The following DCPS variants were observed in gnomAD, a reference collection of about 807,000 sequenced individuals.
The protein encoded by DCPS is decapping enzyme, scavenger.
In DCPS, 27 loss-of-function variants were observed where a neutral mutation model predicts 34.7. The ratio of observed to expected loss-of-function variants is 0.78; its 90% CI spans 0.57 to 1.07. DCPS has a LOEUF of 1.07. DCPS is among the 50% of genes least tolerant of loss of function. DCPS has a pLI of 0.00. For synonymous variants in DCPS, 185 were observed against 185.7 expected, an observed-to-expected ratio of 1.00 and a Z score of 0.03; for missense variants, 464 against 436.9, an observed-to-expected ratio of 1.06 and a Z score of -0.55.
rs576697570 is a variant in DCPS, at chr11:126,332,082, C to T, written c.522+532C>T. Among the ~76,000 whole-genome samples the T allele has an allele frequency of 6.6e-6, 1 of 152,338 alleles. No homozygotes were observed. The highest frequency in any genetic ancestry group is 2.1e-4 in the South Asian group (1 of 4,832). On this transcript the variant is annotated intron_variant, in intron 3 of 5. Coordinates refer to ENST00000263579, the MANE Select transcript of DCPS (RefSeq NM_014026.6). The surrounding 1 kb of genome is among the most constrained non-coding windows in gnomAD (Gnocchi z 5.4). ...AAAGGCTGATGTTGAGTGAGTCCCA[C>T]CCTGTCCAGACTCTTATTCCTGGTT...
chr11:126,341,377 G>C (rs1951875085), intron 4 of DCPS: 1 of 152,268 alleles, frequency 6.6e-6, no homozygotes, highest in Non-Finnish European at 1.5e-5. Context: ...TTTTTCAGAT[G>C]ACTTCTCTGA....
rs1478849872 is a variant in DCPS at position 126,313,897 on chromosome 11, G to T, written c.376+7153G>T. ...TGTATAATGTATTTCCCAGTTGAAA[G>T]GTAAGACAAATTGGCAGGTCCTTAG... On this transcript the variant is annotated intron_variant, in intron 2 of 5. Transcript: ENST00000263579. This position sits in a 1 kb window ranked among gnomAD's most constrained non-coding sequence, Gnocchi z 4.9. Among the ~76,000 whole-genome samples the T allele has an allele frequency of 6.6e-6, 1 of 152,196 alleles. No homozygotes were observed. Among genetic ancestry groups the T allele is most frequent in the Admixed American group, 6.5e-5 (1 of 15,282 alleles).
rs577703145 is a variant in DCPS at position 126,346,407 on chromosome 11, G to A, written c.*794G>A. On this transcript the variant is annotated 3_prime_UTR_variant, in exon 6 of 6. Transcript: ENST00000263579. This position sits in a 1 kb window ranked among gnomAD's most constrained non-coding sequence, Gnocchi z 4.1. Reference sequence around the variant, plus strand: ...CAGTTGAATACAAAAGCCCGGAGGCGGCTCGGGTTCAAGGCCTATCAGAGG... The same window carrying A: ...CAGTTGAATACAAAAGCCCGGAGGCAGCTCGGGTTCAAGGCCTATCAGAGG... Among the ~76,000 whole-genome samples the A allele has an allele frequency of 1.1e-4, 16 of 152,362 alleles. No individual in the cohort carries two copies. The South Asian group carries it at 2.7e-3, about 26-fold the overall frequency.
At chr11:126,306,805 T>C in intron 2 of DCPS, 61 bp downstream of exon 2, 1 of 1,549,120 alleles carries the variant, frequency 6.5e-7, no homozygotes, top group Non-Finnish European at 8.8e-7. Flanking sequence ...GGAAATTAGG[T>C]GGTATGGTGA....
chr11:126,343,290 C>A lies in DCPS; in HGVS notation c.637-17C>A. The A allele has an allele frequency of 6.2e-7, 1 of 1,607,118 alleles. No homozygotes were observed. Among genetic ancestry groups the A allele is most frequent in the East Asian group, 2.2e-5 (1 of 44,524 alleles). On this transcript the variant is annotated splice_polypyrimidine_tract_variant and intron_variant, in intron 4 of 5. Coordinates refer to ENST00000263579, the MANE Select transcript of DCPS (RefSeq NM_014026.6). ...CTGTTCCCTGCTGAGCCTGGTCTCCCCTTGCTCTCTACGCAGCTCGATGAC... is the reference window on the plus strand; with the variant it reads ...CTGTTCCCTGCTGAGCCTGGTCTCCACTTGCTCTCTACGCAGCTCGATGAC...
chr11:126,309,894 C>T lies in DCPS; in HGVS notation c.376+3150C>T, dbSNP rs1276307604. ...CCATCTTCCTTCCCAACCCCTTCTT[C>T]TTCTGCCTTTTCTGCCTTCTCCTTC... On this transcript the variant is annotated intron_variant, in intron 2 of 5. Transcript: ENST00000263579. Among the ~76,000 whole-genome samples the T allele has an allele frequency of 3.9e-5, 6 of 152,334 alleles. No individual in the cohort carries two copies. The East Asian group carries it at 9.6e-4, about 24-fold the overall frequency.
In DCPS at chr11:126,346,621, G is replaced by A. The variant is rs1321707238; in HGVS notation, c.*1008G>A. ...CATGCTGCCAGAGGGGCTGGTGTTT[G>A]CCACTTTGTCAGAGTAGGGCTGTGG... On this transcript the variant is annotated 3_prime_UTR_variant, in exon 6 of 6. Transcript: ENST00000263579. This position sits in a 1 kb window ranked among gnomAD's most constrained non-coding sequence, Gnocchi z 4.1. 1.3e-5 allele frequency among the ~76,000 whole-genome samples: 2 copies of A among 152,350 alleles called. No homozygotes were observed. Among genetic ancestry groups the A allele is most frequent in the African/African-American group, 4.8e-5 (2 of 41,588 alleles).
chr11:126,307,417 T>A (rs1264281574), intron 2 of DCPS, among the ~76,000 whole-genome samples: 1 of 151,342 alleles, frequency 6.6e-6, no homozygotes, highest in Non-Finnish European at 1.5e-5. Flanking sequence ...GAATAATATA[T>A]ATATATTTTT....
intron 2 of DCPS, among the ~76,000 whole-genome samples, chr11:126,307,481 G>C (rs1429031073): frequency 6.6e-6 from 1 of 151,978 alleles, no homozygotes; most frequent in Non-Finnish European, 1.5e-5. Flanking sequence ...CGCGATCTCG[G>C]CTCGCTGCAA....
chr11:126,304,642 C>G (rs984523592), intron 1 of DCPS, among the ~76,000 whole-genome samples: 2 of 152,146 alleles, frequency 1.3e-5, no homozygotes, highest in Non-Finnish European at 2.9e-5. Flanking sequence ...CATCCCTGTC[C>G]GTGGAAACGA....
rs1409022131 is a variant in DCPS at position 126,329,806 on chromosome 11, T to C, written c.377-1599T>C. On this transcript the variant is annotated intron_variant, in intron 2 of 5. Transcript: ENST00000263579. This position sits in a 1 kb window ranked among gnomAD's most constrained non-coding sequence, Gnocchi z 5.0. ...GACCAAATATGAAAGTATAGGTTGA[T>C]AGTTCTTAGCCGGGTTTTGCGGTGT... Among the ~76,000 whole-genome samples, 1 of 152,182 alleles carries C rather than the reference T, an allele frequency of 6.6e-6. No individual in the cohort carries two copies.
Position 126,306,640 on chromosome 11 carries a change from T to C in DCPS, c.272T>C (p.Val91Ala), listed in dbSNP as rs1321385586. 3 of 1,613,774 alleles carry C rather than the reference T, an allele frequency of 1.9e-6. No homozygotes were observed. Among genetic ancestry groups the C allele is most frequent in the African/African-American group, 2.7e-5 (2 of 74,870 alleles). ...ATCCTGGAGAAGACGCCATTTCAGGTGGAACAGGTGGCTCAGCTCCTGACG... is the reference window on the plus strand; with the variant it reads ...ATCCTGGAGAAGACGCCATTTCAGGCGGAACAGGTGGCTCAGCTCCTGACG... ...VVILEKTPFQ[V>A]EQVAQLLTGS... The change falls in exon 2 of 6, where the codon GTG becomes GCG. Residue 91 changes from valine to alanine, a missense_variant. Coordinates refer to ENST00000263579, the MANE Select transcript of DCPS (RefSeq NM_014026.6).
rs1020802467 is a variant in DCPS at position 126,349,137 on chromosome 11, C to T, written c.*3524C>T. On this transcript the variant is annotated 3_prime_UTR_variant, in exon 6 of 6. Transcript: ENST00000263579. This position sits in a 1 kb window ranked among gnomAD's most constrained non-coding sequence, Gnocchi z 5.4. ...ACCTCATGCTTTCTTCCTGCTATCT[C>T]GTAAGAGCCCAACATCCTTCTGTCC... Among the ~76,000 whole-genome samples the T allele has an allele frequency of 6.6e-5, 10 of 152,172 alleles. No individual in the cohort carries two copies. Among genetic ancestry groups the T allele is most frequent in the African/African-American group, 1.9e-4 (8 of 41,432 alleles).
rs1215774534 is a variant in DCPS, at chr11:126,306,626, G to A, written c.258G>A (p.Lys86=). 6.2e-7 allele frequency: 1 copy of A among 1,613,778 alleles called. No individual in the cohort carries two copies. The highest frequency in any genetic ancestry group is 1.3e-5 in the African/African-American group (1 of 74,894). The change falls in exon 2 of 6, where the codon AAG becomes AAA. Residue 86 remains lysine, a synonymous_variant. Coordinates refer to ENST00000263579, the MANE Select transcript of DCPS (RefSeq NM_014026.6). ...DGEDAVVILE[K]TPFQVEQVAQ... is the part of the protein sequence containing the mutation. ...AGGATGCCGTTGTGATCCTGGAGAA[G>A]ACGCCATTTCAGGTGGAACAGGTGG... is the stretch of plus-strand genomic sequence containing the variant.
chr11:126,326,050 G>A (rs1951736585), intron 2 of DCPS, among the ~76,000 whole-genome samples: 1 of 152,154 alleles, frequency 6.6e-6, no homozygotes, highest in Non-Finnish European at 1.5e-5. Flanking sequence ...CCCAGGAGGC[G>A]GAGGTTGCAG....
chr11:126,349,096 A>G lies in DCPS; in HGVS notation c.*3483A>G, dbSNP rs1268491032. 6.6e-6 allele frequency among the ~76,000 whole-genome samples: 1 copy of G among 152,158 alleles called. No individual in the cohort carries two copies. The highest frequency in any genetic ancestry group is 1.5e-5 in the Non-Finnish European group (1 of 68,032). ...GGATCTCACGCAGGGGATGGAGAGT[A>G]AGGACCAGCCCCTCTACCTCATGCT... On this transcript the variant is annotated 3_prime_UTR_variant, in exon 6 of 6. Coordinates refer to ENST00000263579, the MANE Select transcript of DCPS (RefSeq NM_014026.6). This position sits in a 1 kb window ranked among gnomAD's most constrained non-coding sequence, Gnocchi z 5.4.
rs188923397 is a variant in DCPS at position 126,345,464 on chromosome 11, G to A, written c.865G>A (p.Gly289Ser). Residue 289 changes from glycine to serine, a missense_variant, in exon 6 of 6, where the codon GGC becomes AGC. By Grantham distance (56) the Gly-to-Ser change is moderately conservative (BLOSUM62 0). Coordinates refer to ENST00000263579, the MANE Select transcript of DCPS (RefSeq NM_014026.6). This position sits in a 1 kb window ranked among gnomAD's most constrained non-coding sequence, Gnocchi z 7.4. ...HFTALGFEAPGSGVERAHLLA... is the reference protein window; with the variant it reads ...HFTALGFEAPSSGVERAHLLA... ...CACCGCCCTGGGCTTCGAGGCCCCC[G>A]GCTCAGGCGTGGAGCGGGCCCACCT... 47 of 1,614,146 alleles carry A rather than the reference G, an allele frequency of 2.9e-5. No individual in the cohort carries two copies. The East Asian group carries it at 7.1e-4, about 24-fold the overall frequency.
Position 126,323,616 on chromosome 11 carries a change from G to T in DCPS, c.377-7789G>T, listed in dbSNP as rs1226864746. ...AGTGGCACGATCACAGCTCACTGCA[G>T]CCTTGACCTTCCAGGCTCAAGCGAT... On this transcript the variant is annotated intron_variant, in intron 2 of 5. Coordinates refer to ENST00000263579, the MANE Select transcript of DCPS (RefSeq NM_014026.6). The surrounding 1 kb of genome is among the most constrained non-coding windows in gnomAD (Gnocchi z 4.4). Among the ~76,000 whole-genome samples, 1 of 151,718 alleles carries T rather than the reference G, an allele frequency of 6.6e-6. No homozygotes were observed. Among genetic ancestry groups the T allele is most frequent in the Non-Finnish European group, 1.5e-5 (1 of 67,956 alleles).
At chr11:126,314,416 C>CCTTCTAGT (rs1565372283) in intron 2 of DCPS, among the ~76,000 whole-genome samples, 1 of 152,134 alleles carries the variant, frequency 6.6e-6, no homozygotes, top group African/African-American at 2.4e-5. Context: ...ACAACCATTA[C>CCTTCTAGT]GGGAAACAGT....
Sources: allele counts gnomAD v4.1 joint callset (sites outside exome capture counted in the v4.1 genomes callset), GRCh38; gene constraint gnomAD v4.1.1; non-coding constraint Gnocchi (gnomAD v3.1); transcripts MANE v1.5; gene names NCBI Gene and HGNC (gene_info 2026-07-23, HGNC 2026-07-21).